Variants in MBNL3 observed in about 807,000 individuals in gnomAD.
MBNL3 encodes the protein muscleblind like splicing regulator 3, also known as muscleblind-like protein 3.
Under a neutral mutation model 24.5 loss-of-function variants are expected in MBNL3, and 6 were observed. The observed-to-expected ratio is 0.25, with a 90% CI of 0.13 to 0.48. The LOEUF is 0.48. Among genes scored for constraint, MBNL3 ranks in the 20% least tolerant of loss-of-function variants. The pLI, the probability that MBNL3 is intolerant of heterozygous loss-of-function variation, is 0.99. For synonymous variants in MBNL3, 100 were observed against 101.7 expected (o/e 0.98, Z 0.10); for missense variants, 230 against 293.5 (o/e 0.78, Z 1.58).
intron 8 of MBNL3, among the ~76,000 whole-genome samples, chrX:132,381,604 TC>T (rs771428769): frequency 9.0e-6 from 1 of 110,951 alleles, no homozygotes; most frequent in South Asian, 3.8e-4. Context: ...ATTTCAAGAC[TC>T]CCCCCAAACT....
At position 132,440,145 on chromosome X, in the gene MBNL3, C is replaced by T. The variant is rs1290265381; in HGVS notation, c.-534G>A. On this transcript the variant is annotated 5_prime_UTR_variant, in exon 2 of 9. Coordinates refer to ENST00000370853, the MANE Select transcript of MBNL3 (RefSeq NM_001386889.1). ...GAAAATGACTAAGAAAATTGAGAAT[C>T]ACAGAAAAAAGAAATGGACCAGCTG... Among the ~76,000 whole-genome samples the T allele has an allele frequency of 1.8e-5, 2 of 109,907 alleles. No individual in the cohort carries two copies. Among genetic ancestry groups the T allele is most frequent in the Non-Finnish European group, 3.8e-5 (2 of 52,702 alleles).
At chrX:132,383,348 C>T (rs973533449) in intron 7 of MBNL3, among the ~76,000 whole-genome samples, 2 of 112,046 alleles carry the variant, frequency 1.8e-5, no homozygotes, top group African/African-American at 6.5e-5. Flanking sequence ...CCAGAGCCAT[C>T]CCTGTTGTCT....
intron 8 of MBNL3, among the ~76,000 whole-genome samples, chrX:132,380,849 C>G (rs1934795715): frequency 9.1e-6 from 1 of 110,261 alleles, no homozygotes; most frequent in African/African-American, 3.3e-5. Context: ...AAAAAAAAAT[C>G]CCACAACAAC....
chrX:132,429,344 T>C (rs1429420680), intron 2 of MBNL3, among the ~76,000 whole-genome samples: 1 of 112,065 alleles, frequency 8.9e-6, no homozygotes, highest in Admixed American at 9.4e-5. Context: ...GAAGATGTGA[T>C]ACACAGCCAC....
chrX:132,431,782 G>A (rs1944757973), intron 2 of MBNL3: 1 of 111,596 alleles, frequency 9.0e-6, no homozygotes. Context: ...GTATCTATCT[G>A]TATACATACT....
rs185635471 is a variant in MBNL3, at chrX:132,415,337, A to G, written c.178-8945T>C. On this transcript the variant is annotated intron_variant, in intron 2 of 8. Coordinates refer to ENST00000370853, the MANE Select transcript of MBNL3 (RefSeq NM_001386889.1). ...GTAAAATGAAAAGTTTCAAAGAAGA[A>G]TTTAATTTGCAAAAATATCTTACAA... Among the ~76,000 whole-genome samples, 117 of 112,569 alleles carry G rather than the reference A, an allele frequency of 1.0e-3. 1 individual carries two copies. Among genetic ancestry groups the G allele is most frequent in the Middle Eastern group, 4.6e-3 (1 of 219 alleles).
intron 7 of MBNL3, among the ~76,000 whole-genome samples, chrX:132,384,128 G>C (rs1233131871): frequency 8.9e-6 from 1 of 111,916 alleles, no homozygotes; most frequent in Non-Finnish European, 1.9e-5. Flanking sequence ...GTTGTGCCTA[G>C]CTTCTGTGCC....
At chrX:132,461,843 G>T (rs952869490) in intron 1 of MBNL3, among the ~76,000 whole-genome samples, 3 of 111,870 alleles carry the variant, frequency 2.7e-5, no homozygotes, top group African/African-American at 9.7e-5. Context: ...AGATGATTCA[G>T]AAAATGCAAG....
At chrX:132,396,639 C>CATATATATTCAT (rs1938955190) in intron 3 of MBNL3, among the ~76,000 whole-genome samples, 1 of 17,103 alleles carries the variant, frequency 5.8e-5, no homozygotes, top group African/African-American at 2.0e-4. Flanking sequence ...TATATATTCA[C>CATATATATTCAT]ATATATATAT....
chrX:132,477,307 C>A (rs1373007894), intron 1 of MBNL3, among the ~76,000 whole-genome samples: 1 of 111,950 alleles, frequency 8.9e-6, no homozygotes, highest in African/African-American at 3.2e-5. Flanking sequence ...GAGGGAGATA[C>A]AAACTCACAA....
intron 1 of MBNL3, among the ~76,000 whole-genome samples, chrX:132,443,858 T>G (rs1945519553): frequency 9.1e-6 from 1 of 110,162 alleles, no homozygotes; most frequent in African/African-American, 3.3e-5. Flanking sequence ...AGAGGGAAAC[T>G]ACTGTTCTCA....
intron 1 of MBNL3, among the ~76,000 whole-genome samples, chrX:132,450,707 G>C (rs1366221467): frequency 1.8e-5 from 2 of 111,685 alleles, no homozygotes; most frequent in African/African-American, 6.5e-5. Flanking sequence ...TTGTTTCCTT[G>C]CTGGCGAGGA....
intron 2 of MBNL3, among the ~76,000 whole-genome samples, chrX:132,406,825 G>C (rs1477838901): frequency 8.9e-6 from 1 of 111,980 alleles, no homozygotes; most frequent in Non-Finnish European, 1.9e-5. Context: ...TGGTCACATT[G>C]TCACAATGTG....
intron 1 of MBNL3, among the ~76,000 whole-genome samples, chrX:132,449,335 A>G (rs1011036418): frequency 1.8e-5 from 2 of 110,622 alleles, no homozygotes; most frequent in African/African-American, 3.3e-5. Context: ...TTGGGTTTAT[A>G]TATATTTAGG....
chrX:132,421,140 AGGT>A (rs1943779532), intron 2 of MBNL3, among the ~76,000 whole-genome samples: 1 of 111,949 alleles, frequency 8.9e-6, no homozygotes, highest in Non-Finnish European at 1.9e-5. Flanking sequence ...CATACTTTCT[AGGT>A]GCTTTGAAAG....
At chrX:132,420,183 A>G (rs1320286389) in intron 2 of MBNL3, among the ~76,000 whole-genome samples, 1 of 112,038 alleles carries the variant, frequency 8.9e-6, no homozygotes, top group African/African-American at 3.2e-5. Context: ...GAACCCAGCA[A>G]CTAGTGTTCA....
intron 1 of MBNL3, among the ~76,000 whole-genome samples, chrX:132,452,240 C>T (rs976776400): frequency 1.8e-5 from 2 of 112,158 alleles, no homozygotes; most frequent in African/African-American, 6.5e-5. Context: ...TAAGTGCTTG[C>T]GTATGTGCAT....
intron 1 of MBNL3, among the ~76,000 whole-genome samples, chrX:132,454,207 C>G (rs1946260062): frequency 9.0e-6 from 1 of 110,744 alleles, no homozygotes. Context: ...TGAACATTCA[C>G]TGTTCACCTC....
chrX:132,388,741 C>CTT (rs1208387390), intron 5 of MBNL3, among the ~76,000 whole-genome samples: 1 of 105,205 alleles, frequency 9.5e-6, no homozygotes, highest in African/African-American at 3.4e-5. Flanking sequence ...ATGTCTCTCT[C>CTT]TTTTTTTTTT....
Sources: allele counts gnomAD v4.1 joint callset (sites outside exome capture counted in the v4.1 genomes callset), GRCh38; gene constraint gnomAD v4.1.1; transcripts MANE v1.5; gene names NCBI Gene and HGNC (gene_info 2026-07-23, HGNC 2026-07-21).